AVL9: variants seen among roughly 807,000 people sequenced by gnomAD.
The protein encoded by AVL9 is late secretory pathway protein AVL9 homolog.
AVL9 carries 49 observed loss-of-function variants against 79.2 expected under a neutral mutation model. The ratio of observed to expected loss-of-function variants is 0.62; its 90% confidence interval spans 0.49 to 0.79. The LOEUF (loss-of-function observed/expected upper bound fraction) is 0.79. Among genes scored for constraint, AVL9 ranks in the 30% least tolerant of loss-of-function variants. AVL9 has a pLI of 0.00. For missense variants in AVL9, 682 were observed against 776.8 expected (o/e 0.88, Z 1.45); for synonymous variants, 299 against 280.6 (o/e 1.07, Z -0.65).
chr7:32,508,942 A>T (rs995485894), intron 1 of AVL9, among the ~76,000 whole-genome samples: 1 of 152,216 alleles, frequency 6.6e-6, no homozygotes, highest in African/African-American at 2.4e-5. Context: ...TTGACCCTTT[A>T]CATTTCCATA....
At chr7:32,523,201 G>GC (rs1215190998) in intron 1 of AVL9, among the ~76,000 whole-genome samples, 2 of 145,296 alleles carry the variant, frequency 1.4e-5, no homozygotes, top group African/African-American at 2.5e-5. Flanking sequence ...CAAAGGACTA[G>GC]CCCCAGAAGG....
chr7:32,526,276 G>A (rs1562765450), intron 1 of AVL9, among the ~76,000 whole-genome samples: 1 of 152,178 alleles, frequency 6.6e-6, no homozygotes, highest in Admixed American at 6.5e-5. Context: ...CTGACAGGAG[G>A]TGCTGTTTTG....
chr7:32,503,552 T>C, intron 1 of AVL9, among the ~76,000 whole-genome samples: 1 of 81,022 alleles, frequency 1.2e-5, no homozygotes, highest in African/African-American at 5.2e-5. Context: ...CAAGACTCCG[T>C]CTCAAGGGAA....
At chr7:32,551,270 T>A in intron 4 of AVL9, 64 bp from the exon 5 acceptor site, 1 of 1,082,362 alleles carries the variant, frequency 9.2e-7, no homozygotes, top group Non-Finnish European at 1.4e-6. Flanking sequence ...TTTACTATTA[T>A]CAACCAATTT....
rs535149120 is a variant in AVL9 at position 32,547,453 on chromosome 7, G to T, written c.301-1394G>T. On this transcript the variant is annotated intron_variant, in intron 3 of 15. Transcript: ENST00000318709. ...AGCTGCTGTCCGTTCTTGGAAATCT[G>T]TTCCTTTTAATACCTTTTATTACCC... Among the ~76,000 whole-genome samples the T allele has an allele frequency of 6.9e-4, 105 of 152,288 alleles. No individual in the cohort carries two copies. In the South Asian group the frequency reaches 0.02, roughly 30 times the overall value.
intron 5 of AVL9, among the ~76,000 whole-genome samples, 182 bp downstream of exon 5, chr7:32,551,605 CTT>C (rs60271681): frequency 1.2e-4 from 11 of 93,744 alleles, no homozygotes; most frequent in East Asian, 6.6e-4. Flanking sequence ...TTTAACCAAA[CTT>C]TTTTTTTTTT....
chr7:32,576,132 C>T, intron 13 of AVL9, 60 bp downstream of exon 13: 1 of 1,131,970 alleles, frequency 8.8e-7, no homozygotes, highest in Non-Finnish European at 1.3e-6. Flanking sequence ...GTGCCCAATA[C>T]AGAGAAAAAT....
In AVL9 at chr7:32,573,244, C is replaced by G. The variant is rs746783062; in HGVS notation, c.1396C>G (p.Leu466Val). ...GATCCATGATCCAGAACTCAGGAAG[C>G]TGCTTAACCCAACCACTGCAGACCT... ...IQIHDPELRK[L>V]LNPTTADLRF... The change falls in exon 12 of 16, where the codon CTG becomes GTG. Residue 466 changes from leucine (L) to valine (V), a missense_variant. Transcript: ENST00000318709. The G allele has an allele frequency of 1.5e-5, 25 of 1,613,908 alleles. No homozygotes were observed. The highest frequency in any genetic ancestry group is 2.1e-5 in the Non-Finnish European group (25 of 1,180,012).
chr7:32,537,420 A>ATTATT (rs1475499940), intron 1 of AVL9: 1 of 151,086 alleles, frequency 6.6e-6, no homozygotes, highest in Non-Finnish European at 1.5e-5. Flanking sequence ...GAGGATTGAT[A>ATTATT]TTAAAATAAT....
chr7:32,537,119 C>G (rs896780782), intron 1 of AVL9: 1 of 152,186 alleles, frequency 6.6e-6, no homozygotes, highest in South Asian at 2.1e-4. Flanking sequence ...AAAGTTCCAT[C>G]CCTTTAATCA....
At chr7:32,575,807 C>A in intron 12 of AVL9, 148 bp from the exon 13 acceptor site, 1 of 597,836 alleles carries the variant, frequency 1.7e-6, no homozygotes, top group South Asian at 2.2e-5. Flanking sequence ...GAACTAGACC[C>A]AAGTTTCCTG....
intron 6 of AVL9, 93 bp downstream of exon 6, chr7:32,552,388 C>A: frequency 2.8e-6 from 2 of 706,936 alleles, no homozygotes; most frequent in Non-Finnish European, 5.0e-6. Flanking sequence ...AGAATTACAT[C>A]TCTATATGGG....
At position 32,495,569 on chromosome 7, in the gene AVL9, G is replaced by A. The variant is rs1281625598; in HGVS notation, c.-141G>A. On this transcript the variant is annotated 5_prime_UTR_variant, in exon 1 of 16. Transcript: ENST00000318709. ...CCCTGGGGGCGGCGGGAGCTGCTTT[G>A]CCTCCACCGATCTCCCTGTGCGGCC... 2.2e-6 allele frequency: 1 copy of A among 460,048 alleles called. No individual in the cohort carries two copies. Among genetic ancestry groups the A allele is most frequent in the East Asian group, 3.5e-5 (1 of 28,182 alleles). The allele number at this position is 460,048 out of a possible 1,614,324, so 28.5% of individuals were successfully genotyped here.
In AVL9 at chr7:32,586,141, A is replaced by G. The variant is rs550064151; in HGVS notation, c.*2234A>G. The G allele has an allele frequency of 6.6e-6, 1 of 152,300 alleles. No individual in the cohort carries two copies. Among genetic ancestry groups the G allele is most frequent in the Non-Finnish European group, 1.5e-5 (1 of 68,028 alleles). 9.4% of individuals were successfully genotyped at this position (152,300 alleles called of 1,614,324 possible). On this transcript the variant is annotated 3_prime_UTR_variant, in exon 16 of 16. Coordinates refer to ENST00000318709, the MANE Select transcript of AVL9 (RefSeq NM_015060.3). Reference sequence around the variant, plus strand: ...CAACTCATGCTTTGGAATCCACTGAAATAAAAATAGTTACATGAAGTTTAA... The same window carrying G: ...CAACTCATGCTTTGGAATCCACTGAGATAAAAATAGTTACATGAAGTTTAA...
chr7:32,541,962 G>A (rs548385248), intron 1 of AVL9, among the ~76,000 whole-genome samples: 2 of 152,088 alleles, frequency 1.3e-5, no homozygotes, highest in South Asian at 4.2e-4. Context: ...TGATCCACCC[G>A]CCTCAGCTCC....
intron 7 of AVL9, 47 bp from the exon 8 acceptor site, chr7:32,554,511 G>C (rs1476069686): frequency 8.6e-7 from 1 of 1,162,300 alleles, no homozygotes; most frequent in Non-Finnish European, 1.2e-6. Context: ...ATGAATTATA[G>C]GCGTGAGTCT....
Position 32,552,252 on chromosome 7 carries a change from T to C in AVL9, c.486T>C (p.Ser162=). ...AGGAGCTTTATGAACATATGAATAG[T>C]TCCTTGGGAGGTGCTTCATTAGAAG... ...ILKELYEHMN[S]SLGGASLEGS... is the part of the protein sequence containing the mutation. The change falls in exon 6 of 16, where the codon AGT becomes AGC. Residue 162 remains serine (S), a synonymous_variant. Coordinates refer to ENST00000318709, the MANE Select transcript of AVL9 (RefSeq NM_015060.3). The C allele has an allele frequency of 1.9e-6, 3 of 1,602,896 alleles. No individual in the cohort carries two copies. The highest frequency in any genetic ancestry group is 2.6e-6 in the Non-Finnish European group (3 of 1,170,770).
chr7:32,571,605 T>C (rs1378062019), intron 11 of AVL9, among the ~76,000 whole-genome samples: 1 of 151,664 alleles, frequency 6.6e-6, no homozygotes, highest in East Asian at 1.9e-4. Flanking sequence ...AACATGTTTC[T>C]TGGGTGAATG....
chr7:32,502,064 A>T (rs183803986), intron 1 of AVL9, among the ~76,000 whole-genome samples: 1,710 of 64,020 alleles, frequency 0.027, 33 homozygotes, highest in African/African-American at 0.12. Flanking sequence ...CATTTATGAT[A>T]AAAAAAAAAT....
Sources: allele counts gnomAD v4.1 joint callset (sites outside exome capture counted in the v4.1 genomes callset), GRCh38; gene constraint gnomAD v4.1.1; transcripts MANE v1.5; gene names NCBI Gene and HGNC (gene_info 2026-07-23, HGNC 2026-07-21).